FAM107B: variants seen among roughly 807,000 people sequenced by gnomAD.
FAM107B encodes protein FAM107B.
In FAM107B, 21 loss-of-function variants were observed where a neutral mutation model predicts 31.5. The ratio of observed to expected loss-of-function variants is 0.67; its 90% CI spans 0.47 to 0.96. FAM107B has a LOEUF of 0.96. Among genes scored for constraint, FAM107B ranks in the 40% least tolerant of loss-of-function variants. FAM107B has a pLI of 0.00. For missense variants in FAM107B, 452 were observed against 377.1 expected (o/e 1.20, Z -1.64); for synonymous variants, 157 against 141.5 (o/e 1.11, Z -0.78).
In FAM107B at chr10:14,581,913, A is replaced by G. The variant is rs554670473; in HGVS notation, c.470-51398T>C. Among the ~76,000 whole-genome samples, 3 of 152,314 alleles carry G rather than the reference A, an allele frequency of 2.0e-5. No homozygotes were observed. In the South Asian group the frequency reaches 6.2e-4, roughly 32 times the overall value. On this transcript the variant is annotated intron_variant, in intron 2 of 4. Coordinates refer to ENST00000181796, the MANE Select transcript of FAM107B (RefSeq NM_031453.4). ...ACAGAGCAAGACCATGTCTCAAAAA[A>G]ATAAAATAAATATAAATAAAATCAA...
At position 14,756,548 on chromosome 10, in the gene FAM107B, C is replaced by T. The variant is rs570827769; in HGVS notation, c.411+17705G>A. Among the ~76,000 whole-genome samples, 7 of 152,300 alleles carry T rather than the reference C, an allele frequency of 4.6e-5. No homozygotes were observed. The South Asian group carries it at 1.5e-3, about 32-fold the overall frequency. ...GCGAGGTTGTGGAGAAAAGGGAATG[C>T]TTATCCACTGATGGTGGGTGTGTAA... On this transcript the variant is annotated intron_variant, in intron 1 of 4. Transcript: ENST00000181796.
intron 1 of FAM107B, among the ~76,000 whole-genome samples, chr10:14,692,432 G>A (rs1183759622): frequency 6.6e-6 from 1 of 152,136 alleles, no homozygotes; most frequent in Non-Finnish European, 1.5e-5. Flanking sequence ...ACTTCCTTTA[G>A]GGACAAGGGC....
Position 14,530,147 on chromosome 10 carries a change from C to T in FAM107B, c.653+185G>A, listed in dbSNP as rs1326701832. On this transcript the variant is annotated intron_variant, in intron 3 of 4. Transcript: ENST00000181796. ...CACTGCTGGCCACCACAGTGATGGC[C>T]ACCTGCAGGGGATCTGCCTCACGGA... 6.4e-6 allele frequency: 4 copies of T among 622,784 alleles called. No individual in the cohort carries two copies. In the East Asian group the frequency reaches 8.8e-5, roughly 14 times the overall value. The allele number at this position is 622,784 out of a possible 1,614,324, so 38.6% of individuals were successfully genotyped here.
At chr10:14,741,760 G>C (rs772093117) in intron 1 of FAM107B, among the ~76,000 whole-genome samples, 22 of 121,674 alleles carry the variant, frequency 1.8e-4, no homozygotes, top group Non-Finnish European at 2.5e-4. Context: ...TCGCTCTGTC[G>C]CCCAGGCTGG....
chr10:14,539,914 G>GT (rs1848007202), intron 2 of FAM107B, among the ~76,000 whole-genome samples: 2 of 152,160 alleles, frequency 1.3e-5, no homozygotes, highest in Non-Finnish European at 2.9e-5. Context: ...CCCTCATCCT[G>GT]TGAGTAGTAC....
chr10:14,568,526 C>T (rs1850892748), intron 2 of FAM107B, among the ~76,000 whole-genome samples: 1 of 149,492 alleles, frequency 6.7e-6, no homozygotes. Flanking sequence ...GGCTGATGAT[C>T]TCAGGGTTAG....
intron 2 of FAM107B, among the ~76,000 whole-genome samples, chr10:14,540,497 T>C (rs1156964948): frequency 6.6e-6 from 1 of 152,162 alleles, no homozygotes; most frequent in Non-Finnish European, 1.5e-5. Flanking sequence ...GGGCTGGTAT[T>C]TCCTTGCTGA....
At chr10:14,680,845 T>C (rs4750548) in intron 1 of FAM107B, among the ~76,000 whole-genome samples, 119,794 of 152,086 alleles carry the variant, frequency 0.79, 47,256 homozygotes, top group South Asian at 0.87. Context: ...GTGTCTCCCT[T>C]TGCCCAATCC....
intron 2 of FAM107B, chr10:14,535,002 T>C (rs1020268203): frequency 2.0e-5 from 3 of 152,192 alleles, no homozygotes; most frequent in Admixed American, 2.0e-4. Flanking sequence ...GTACATTTCC[T>C]CTCTGAGCAA....
intron 1 of FAM107B, among the ~76,000 whole-genome samples, chr10:14,756,030 G>C (rs747695798): frequency 5.3e-5 from 8 of 152,112 alleles, no homozygotes; most frequent in Non-Finnish European, 8.8e-5. Context: ...AAGGGCAGGG[G>C]CTCTTTTTTT....
intron 2 of FAM107B, among the ~76,000 whole-genome samples, chr10:14,637,433 G>A (rs182164361): frequency 1.5e-3 from 226 of 152,222 alleles, no homozygotes; most frequent in Non-Finnish European, 2.5e-3. Flanking sequence ...CCAGGAGTTC[G>A]AGACCAGCCT....
At chr10:14,617,175 T>C (rs1333869511) in intron 2 of FAM107B, among the ~76,000 whole-genome samples, 1 of 152,172 alleles carries the variant, frequency 6.6e-6, no homozygotes, top group Non-Finnish European at 1.5e-5. Flanking sequence ...TTTCAGTTTT[T>C]TTTGAAGATC....
chr10:14,554,205 C>CCACAAA, intron 2 of FAM107B: 1 of 958,182 alleles, frequency 1.0e-6, no homozygotes, highest in Non-Finnish European at 1.2e-6. Context: ...CTGCCTTACT[C>CCACAAA]CACAAACACA....
At chr10:14,581,412 T>A (rs1472563014) in intron 2 of FAM107B, among the ~76,000 whole-genome samples, 1 of 152,140 alleles carries the variant, frequency 6.6e-6, no homozygotes, top group South Asian at 2.1e-4. Flanking sequence ...TCAGATGCAT[T>A]CCACAACTCA....
At chr10:14,758,453 T>C (rs1248519855) in intron 1 of FAM107B, among the ~76,000 whole-genome samples, 2 of 152,140 alleles carry the variant, frequency 1.3e-5, no homozygotes, top group South Asian at 2.1e-4. Flanking sequence ...GAGGGAGGTT[T>C]TTAAAAATAC....
chr10:14,558,938 T>C (rs1849957712), intron 2 of FAM107B, among the ~76,000 whole-genome samples: 2 of 151,502 alleles, frequency 1.3e-5, no homozygotes, highest in African/African-American at 2.4e-5. Context: ...GTTGTGTGGG[T>C]CCAACAAAGA....
intron 1 of FAM107B, among the ~76,000 whole-genome samples, chr10:14,757,940 G>C (rs1226073276): frequency 6.6e-6 from 1 of 152,118 alleles, no homozygotes; most frequent in Non-Finnish European, 1.5e-5. Context: ...AAGTCACGGA[G>C]CTTGAAGGTA....
chr10:14,714,611 A>C (rs1469553026), intron 1 of FAM107B, among the ~76,000 whole-genome samples: 1 of 152,116 alleles, frequency 6.6e-6, no homozygotes, highest in Non-Finnish European at 1.5e-5. Flanking sequence ...CTACCCGAAG[A>C]CTTTAATCAA....
At chr10:14,739,890 T>G (rs1280300213) in intron 1 of FAM107B, among the ~76,000 whole-genome samples, 1 of 152,182 alleles carries the variant, frequency 6.6e-6, no homozygotes, top group Non-Finnish European at 1.5e-5. Flanking sequence ...ATGGCACTGT[T>G]TGACATCCAA....
Sources: gnomAD v4.1 joint callset for allele counts (sites outside exome capture counted in the v4.1 genomes callset) on GRCh38, gnomAD v4.1.1 for gene constraint, MANE v1.5 for transcripts, NCBI Gene and HGNC (gene_info 2026-07-23, HGNC 2026-07-21) for gene names.